The following TENM3 variants were observed in gnomAD, a reference collection of about 807,000 sequenced individuals.
TENM3 encodes the protein teneurin transmembrane protein 3, also known as teneurin-3.
A neutral mutation model predicts 255.1 loss-of-function variants in TENM3; 63 were observed. The ratio of observed to expected loss-of-function variants is 0.25; its 90% CI spans 0.20 to 0.30. The LOEUF is 0.30. TENM3 is among the 10% of genes least tolerant of loss of function. The pLI is 1.00. For synonymous variants in TENM3, 1,306 were observed against 1,322.3 expected, an observed-to-expected ratio of 0.99 and a Z score of 0.27; for missense variants, 2,929 against 3,461.1, an observed-to-expected ratio of 0.85 and a Z score of 3.86.
the TENM3 span, among the ~76,000 whole-genome samples, chr4:181,653,869 C>T: frequency 1.7e-4 from 26 of 152,026 alleles, no homozygotes; most frequent in East Asian, 3.9e-4. Flanking sequence ...CCCTTTCCCC[C>T]GACCCAGCAA....
At chr4:182,523,994 T>C (rs1051008031) in intron 3 of TENM3, among the ~76,000 whole-genome samples, 4 of 152,160 alleles carry the variant, frequency 2.6e-5, no homozygotes, top group African/African-American at 7.2e-5. Flanking sequence ...GGAAGAATTT[T>C]CCGTAGGAAA....
intron 3 of TENM3, among the ~76,000 whole-genome samples, chr4:182,405,734 G>A (rs376023797): frequency 6.6e-6 from 1 of 152,156 alleles, no homozygotes; most frequent in Admixed American, 6.5e-5. Context: ...AGAGAGTTGC[G>A]CTAGGCATTG....
chr4:181,673,351 C>T, the TENM3 span, among the ~76,000 whole-genome samples: 1 of 152,228 alleles, frequency 6.6e-6, no homozygotes, highest in Non-Finnish European at 1.5e-5. Flanking sequence ...AAACATCTGT[C>T]TCAGAATATA....
intron 13 of TENM3, among the ~76,000 whole-genome samples, chr4:182,719,830 G>A (rs1019038574): frequency 6.6e-6 from 1 of 152,134 alleles, no homozygotes; most frequent in Non-Finnish European, 1.5e-5. Flanking sequence ...GGAGGCTGAG[G>A]CAGTTGGATT....
chr4:182,729,291 TAC>T, intron 14 of TENM3, 110 bp downstream of exon 14: 3 of 942,286 alleles, frequency 3.2e-6, no homozygotes, highest in Non-Finnish European at 4.8e-6. Flanking sequence ...GTTTTTTAAA[TAC>T]AGTTTTTCCT....
the TENM3 span, among the ~76,000 whole-genome samples, chr4:181,532,107 C>G: frequency 5.9e-5 from 9 of 152,056 alleles, no homozygotes; most frequent in Non-Finnish European, 1.2e-4. Flanking sequence ...TAGAGCGTGT[C>G]TGGGAAAGAA....
chr4:181,624,844 A>G, the TENM3 span, among the ~76,000 whole-genome samples: 1 of 152,158 alleles, frequency 6.6e-6, no homozygotes, highest in South Asian at 2.1e-4. Flanking sequence ...GTGGTGCAGG[A>G]AAGGTTGGAA....
the TENM3 span, among the ~76,000 whole-genome samples, chr4:181,912,090 G>A: frequency 6.6e-6 from 1 of 152,210 alleles, no homozygotes; most frequent in Non-Finnish European, 1.5e-5. Flanking sequence ...CAGAGATGGG[G>A]TGGGCCAGGG....
At chr4:182,459,619 C>T (rs1258026891) in intron 3 of TENM3, among the ~76,000 whole-genome samples, 1 of 151,750 alleles carries the variant, frequency 6.6e-6, no homozygotes, top group Non-Finnish European at 1.5e-5. Flanking sequence ...ACATTTCATA[C>T]AAAGGCAAAG....
chr4:181,654,778 G>T, the TENM3 span, among the ~76,000 whole-genome samples: 1 of 131,126 alleles, frequency 7.6e-6, no homozygotes, highest in South Asian at 2.5e-4. Context: ...AAAAAAAGAA[G>T]TGGTCCTCAG....
intron 1 of TENM3, among the ~76,000 whole-genome samples, chr4:182,159,447 AGTGTGTGTGTGT>A (rs67981646): frequency 0.012 from 1,509 of 130,766 alleles, 16 homozygotes; most frequent in African/African-American, 0.026. Flanking sequence ...AGTGTGTATG[AGTGTGTGTGTGT>A]GTGTGTGTGT....
At chr4:181,455,810 T>A in the TENM3 span, among the ~76,000 whole-genome samples, 1 of 151,958 alleles carries the variant, frequency 6.6e-6, no homozygotes, top group African/African-American at 2.4e-5. Context: ...ACTTTTTCTA[T>A]ATTAACGGCA....
chr4:181,715,074 T>A, the TENM3 span, among the ~76,000 whole-genome samples: 1 of 152,248 alleles, frequency 6.6e-6, no homozygotes, highest in African/African-American at 2.4e-5. Context: ...ATTTGCCCAT[T>A]TTCTTAATTA....
chr4:182,135,251 G>A, the TENM3 span, among the ~76,000 whole-genome samples: 4 of 143,384 alleles, frequency 2.8e-5, no homozygotes, highest in African/African-American at 1.0e-4. Flanking sequence ...ATGATCCAAA[G>A]TTTTAGGCAA....
chr4:182,263,192 G>A (rs1055728057), intron 1 of TENM3, among the ~76,000 whole-genome samples: 2 of 152,150 alleles, frequency 1.3e-5, no homozygotes, highest in Non-Finnish European at 2.9e-5. Flanking sequence ...GTCCTATAAC[G>A]TCTTGCGAAC....
At chr4:182,700,050 T>C (rs1479878491) in intron 12 of TENM3, among the ~76,000 whole-genome samples, 1 of 152,178 alleles carries the variant, frequency 6.6e-6, no homozygotes, top group Non-Finnish European at 1.5e-5. Context: ...TATTTCACAA[T>C]ATCAGCAAGG....
chr4:181,867,566 A>T, the TENM3 span, among the ~76,000 whole-genome samples: 55 of 152,344 alleles, frequency 3.6e-4, no homozygotes, highest in East Asian at 8.5e-3. Flanking sequence ...TACAATAGAC[A>T]GCTACAGATC....
chr4:182,497,403 C>T (rs1735880778), intron 3 of TENM3, among the ~76,000 whole-genome samples: 1 of 152,132 alleles, frequency 6.6e-6, no homozygotes, highest in South Asian at 2.1e-4. Flanking sequence ...CAGAAATTTA[C>T]TTTTAGTGTG....
At chr4:182,004,239 C>T in the TENM3 span, among the ~76,000 whole-genome samples, 1 of 152,110 alleles carries the variant, frequency 6.6e-6, no homozygotes, top group East Asian at 1.9e-4. Flanking sequence ...CCCAACAAGC[C>T]CTGGTGTGTG....
Sources: gnomAD v4.1 joint callset for allele counts (sites outside exome capture counted in the v4.1 genomes callset) on GRCh38, gnomAD v4.1.1 for gene constraint, MANE v1.5 for transcripts, NCBI Gene and HGNC (gene_info 2026-07-23, HGNC 2026-07-21) for gene names.